PTPRO: variants seen among roughly 807,000 people sequenced by gnomAD.
The protein encoded by PTPRO is protein tyrosine phosphatase receptor type O, also known as receptor-type tyrosine-protein phosphatase O.
In PTPRO, 62 loss-of-function variants were observed where a neutral mutation model predicts 145.2. The observed-to-expected ratio is 0.43, with a 90% CI of 0.35 to 0.53. The LOEUF (loss-of-function observed/expected upper bound fraction) is 0.53, where lower values mean the gene tolerates loss of function less well. Among genes scored for constraint, PTPRO ranks in the 20% least tolerant of loss-of-function variants. The pLI, the probability that PTPRO is intolerant of heterozygous loss-of-function variation, is 0.01. For synonymous variants in PTPRO, 565 were observed against 514.7 expected, an observed-to-expected ratio of 1.10 and a Z score of -1.32; for missense variants, 1,345 against 1,482.7, an observed-to-expected ratio of 0.91 and a Z score of 1.53.
At chr12:15,507,484 A>G (rs1942347446) in intron 6 of PTPRO, among the ~76,000 whole-genome samples, 1 of 152,118 alleles carries the variant, frequency 6.6e-6, no homozygotes, top group East Asian at 1.9e-4. Flanking sequence ...AAAAACTTAA[A>G]GAAGGTTATA....
intron 13 of PTPRO, among the ~76,000 whole-genome samples, chr12:15,547,857 C>T (rs1012672889): frequency 2.0e-5 from 3 of 152,104 alleles, no homozygotes; most frequent in African/African-American, 7.2e-5. Context: ...GCTCTCATTT[C>T]TTTATGCAAG....
At chr12:15,545,443 C>A (rs2216222) in intron 12 of PTPRO, among the ~76,000 whole-genome samples, 3 of 150,238 alleles carry the variant, frequency 2.0e-5, no homozygotes, top group Non-Finnish European at 4.4e-5. Context: ...TACTGGGGGA[C>A]CTAGAGGGAA....
At chr12:15,404,188 CAAAAA>C (rs370733389) in intron 1 of PTPRO, among the ~76,000 whole-genome samples, 1 of 49,964 alleles carries the variant, frequency 2.0e-5, no homozygotes, top group African/African-American at 6.2e-5. Context: ...GACCCCATCT[CAAAAA>C]AAAAAAAAAA....
chr12:15,376,654 G>A (rs1386288304), intron 1 of PTPRO, among the ~76,000 whole-genome samples: 1 of 152,136 alleles, frequency 6.6e-6, no homozygotes, highest in Non-Finnish European at 1.5e-5. Flanking sequence ...CAAGATCAAG[G>A]TGCCAACAGG....
chr12:15,364,191 G>A (rs1002427546), intron 1 of PTPRO, among the ~76,000 whole-genome samples: 6 of 152,138 alleles, frequency 3.9e-5, no homozygotes, highest in Non-Finnish European at 2.9e-5. Context: ...TATGATGTAC[G>A]AGACATTTTG....
At chr12:15,361,123 C>A (rs1938193194) in intron 1 of PTPRO, among the ~76,000 whole-genome samples, 1 of 151,126 alleles carries the variant, frequency 6.6e-6, no homozygotes, top group African/African-American at 2.4e-5. Flanking sequence ...ATAAATAGCT[C>A]AAGAATCACT....
Position 15,504,010 on chromosome 12 carries a change from C to A in PTPRO, c.1208C>A (p.Ser403Tyr). The part of the protein sequence containing the change: ...KYKLSVTTFS[S>Y]SGSCETRKSQ... The stretch of plus-strand genomic sequence containing the variant: ...AAGTTATCTGTGACAACCTTTAGTT[C>A]CTCAGGATCTTGTGAAACTCGAAAA... The change falls in exon 6 of 27, where the codon TCC becomes TAC. Residue 403 changes from serine (S) to tyrosine (Y), a missense_variant. Transcript: ENST00000281171. 3.7e-6 allele frequency: 6 copies of A among 1,612,298 alleles called. No individual in the cohort carries two copies. The highest frequency in any genetic ancestry group is 5.1e-6 in the Non-Finnish European group (6 of 1,178,542).
intron 1 of PTPRO, among the ~76,000 whole-genome samples, chr12:15,404,402 T>G (rs1939591481): frequency 6.6e-6 from 1 of 152,224 alleles, no homozygotes; most frequent in Admixed American, 6.5e-5. Flanking sequence ...GTTTATTGGC[T>G]ATACATAATT....
intron 1 of PTPRO, among the ~76,000 whole-genome samples, chr12:15,398,818 T>C (rs989596017): frequency 5.9e-5 from 9 of 152,194 alleles, no homozygotes; most frequent in African/African-American, 2.2e-4. Flanking sequence ...ATTTGGGGCA[T>C]ATCAAATCAT....
At chr12:15,554,811 T>C (rs770291241) in intron 15 of PTPRO, among the ~76,000 whole-genome samples, 2 of 152,164 alleles carry the variant, frequency 1.3e-5, no homozygotes, top group Non-Finnish European at 2.9e-5. Flanking sequence ...TGTCCTTCAA[T>C]CCAATCAAGT....
At chr12:15,436,906 G>A (rs1319301840) in intron 1 of PTPRO, among the ~76,000 whole-genome samples, 1 of 152,132 alleles carries the variant, frequency 6.6e-6, no homozygotes, top group African/African-American at 2.4e-5. Flanking sequence ...TTTCTTCTGA[G>A]CAGCAAGACT....
At chr12:15,529,772 C>T (rs564798486) in intron 12 of PTPRO, among the ~76,000 whole-genome samples, 13 of 152,256 alleles carry the variant, frequency 8.5e-5, no homozygotes, top group East Asian at 7.7e-4. Context: ...CAAATTAATA[C>T]ATAACACTTA....
rs775755359 is a variant in PTPRO, at chr12:15,578,905, T to A, written c.2882T>A (p.Leu961Gln). 3 of 1,607,366 alleles carry A rather than the reference T, an allele frequency of 1.9e-6. No homozygotes were observed. The African/African-American group carries it at 4.0e-5, about 21-fold the overall frequency. ...DIPHFAADLP[L>Q]NRCKNRYTNI... ...CCACACTTTGCTGCAGATCTTCCACTGAATCGATGTAAAAACCGTTACACA... is the reference window on the plus strand; with the variant it reads ...CCACACTTTGCTGCAGATCTTCCACAGAATCGATGTAAAAACCGTTACACA... The change falls in exon 20 of 27, where the codon CTG (leucine) becomes CAG (glutamine). Residue 961 changes from leucine to glutamine, a missense_variant. By Grantham distance (113) the Leu-to-Gln change is moderately radical (BLOSUM62 -2). This residue lies in a region of PTPRO where 1,130 missense variants were observed against 1,214.7 expected (regional missense o/e 0.93). Coordinates refer to ENST00000281171, the MANE Select transcript of PTPRO (RefSeq NM_030667.3).
At chr12:15,404,405 A>G (rs1160690437) in intron 1 of PTPRO, among the ~76,000 whole-genome samples, 1 of 152,166 alleles carries the variant, frequency 6.6e-6, no homozygotes, top group Non-Finnish European at 1.5e-5. Context: ...TATTGGCTAT[A>G]CATAATTTGT....
At chr12:15,578,747 A>T in intron 19 of PTPRO, 106 bp from the exon 20 acceptor site, 2 of 846,964 alleles carry the variant, frequency 2.4e-6, no homozygotes, top group Non-Finnish European at 4.0e-6. Context: ...AAAGGGAGCT[A>T]CTGCAATGTC....
chr12:15,345,931 T>C (rs1867194856), intron 1 of PTPRO, among the ~76,000 whole-genome samples: 1 of 152,134 alleles, frequency 6.6e-6, no homozygotes, highest in Admixed American at 6.5e-5. Flanking sequence ...CTCCCTCCCC[T>C]ACTTTTCCCC....
At chr12:15,361,294 C>T (rs978018752) in intron 1 of PTPRO, among the ~76,000 whole-genome samples, 18 of 151,422 alleles carry the variant, frequency 1.2e-4, no homozygotes, top group African/African-American at 4.4e-4. Context: ...CAAAAATTAG[C>T]CTGGCGTAGT....
intron 14 of PTPRO, among the ~76,000 whole-genome samples, chr12:15,550,951 G>A (rs1489530809): frequency 2.0e-5 from 3 of 152,110 alleles, no homozygotes; most frequent in African/African-American, 4.8e-5. Context: ...GTTCTTCAGG[G>A]CCCTACAACC....
intron 1 of PTPRO, among the ~76,000 whole-genome samples, chr12:15,353,482 A>G (rs1937879574): frequency 6.6e-6 from 1 of 152,156 alleles, no homozygotes; most frequent in Admixed American, 6.5e-5. Flanking sequence ...ACATTCAGAA[A>G]CAAAAAGAAG....
Sources: gnomAD v4.1 joint callset for allele counts (sites outside exome capture counted in the v4.1 genomes callset) on GRCh38, gnomAD v4.1.1 for gene constraint, gnomAD v4.1.1 regional missense constraint, MANE v1.5 for transcripts, NCBI Gene and HGNC (gene_info 2026-07-23, HGNC 2026-07-21) for gene names.